SLC9A2: variants seen among roughly 807,000 people sequenced by gnomAD.
The protein encoded by SLC9A2 is sodium/hydrogen exchanger 2.
A neutral mutation model predicts 71.7 loss-of-function variants in SLC9A2; 42 were observed. The observed-to-expected ratio is 0.59, with a 90% CI of 0.46 to 0.76. The LOEUF is 0.76. SLC9A2 is among the 30% of genes least tolerant of loss of function. The pLI, the probability that SLC9A2 is intolerant of heterozygous loss-of-function variation, is 0.00. For synonymous variants in SLC9A2, 396 were observed against 392.5 expected (o/e 1.01, Z -0.10); for missense variants, 829 against 1,017.4 (o/e 0.81, Z 2.52).
intron 7 of SLC9A2, among the ~76,000 whole-genome samples, chr2:102,695,548 A>T (rs1171941787): frequency 6.6e-6 from 1 of 151,772 alleles, no homozygotes; most frequent in Non-Finnish European, 1.5e-5. Flanking sequence ...AACTGAAACC[A>T]TCAGAAGCTG....
chr2:102,688,845 G>A (rs971529505), intron 5 of SLC9A2, among the ~76,000 whole-genome samples: 4 of 152,238 alleles, frequency 2.6e-5, no homozygotes, highest in Non-Finnish European at 4.4e-5. Context: ...TAATTATTAT[G>A]TAGTTAATCC....
At chr2:102,668,312 T>C (rs1436626926) in intron 3 of SLC9A2, among the ~76,000 whole-genome samples, 1 of 152,102 alleles carries the variant, frequency 6.6e-6, no homozygotes, top group East Asian at 1.9e-4. Flanking sequence ...CATTCAAAAC[T>C]TGACTGTGTG....
intron 5 of SLC9A2, 32 bp from the exon 6 acceptor site, chr2:102,694,382 T>C (rs762266926): frequency 4.3e-6 from 4 of 923,748 alleles, no homozygotes; most frequent in African/African-American, 1.7e-5. Context: ...TATAAATATA[T>C]ATGAAATGCT....
At chr2:102,673,579 T>G (rs1397670032) in intron 3 of SLC9A2, among the ~76,000 whole-genome samples, 1 of 152,170 alleles carries the variant, frequency 6.6e-6, no homozygotes, top group Non-Finnish European at 1.5e-5. Flanking sequence ...AGAGTGGGTA[T>G]TTTTGTGTAA....
rs143663218 is a variant in SLC9A2, at chr2:102,702,414, G to A, written c.1757G>A (p.Arg586His). 7.6e-5 allele frequency: 119 copies of A among 1,571,650 alleles called. 2 individuals carry two copies. The highest frequency in any genetic ancestry group is 3.7e-4 in the African/African-American group (27 of 73,406). ...TTTCTAAACTTTCACAGTGATTGTC[G>A]TGAAGAAAAAATAAGGAAGGTCACG... is the stretch of plus-strand genomic sequence containing the variant. ...VPTFASLNDC[R>H]EEKIRKVTSS... The change falls in exon 9 of 12, where the codon CGT becomes CAT. Residue 586 changes from arginine (R) to histidine (H), a missense_variant. By Grantham distance (29) the Arg-to-His change is conservative. Transcript: ENST00000233969.
intron 3 of SLC9A2, among the ~76,000 whole-genome samples, chr2:102,666,282 G>A (rs998415201): frequency 3.7e-5 from 5 of 136,928 alleles, no homozygotes; most frequent in East Asian, 2.3e-4. Context: ...TGCAAGCTCC[G>A]CCTCCCGGGT....
intron 1 of SLC9A2, among the ~76,000 whole-genome samples, chr2:102,632,218 ATATT>A (rs1464787085): frequency 6.4e-5 from 9 of 141,488 alleles, no homozygotes; most frequent in African/African-American, 2.7e-5. Context: ...ATAAATATAT[ATATT>A]TATTATATAT....
chr2:102,675,895 A>G (rs1040712764), intron 3 of SLC9A2, among the ~76,000 whole-genome samples: 10 of 152,136 alleles, frequency 6.6e-5, no homozygotes, highest in African/African-American at 2.4e-4. Context: ...TCCTGTTCTT[A>G]AATGTTAATG....
chr2:102,624,661 C>A (rs559510013), intron 1 of SLC9A2, among the ~76,000 whole-genome samples: 63 of 152,258 alleles, frequency 4.1e-4, no homozygotes, highest in African/African-American at 1.5e-3. Context: ...GTGAGGCTGG[C>A]CTATTTCCAT....
intron 1 of SLC9A2, among the ~76,000 whole-genome samples, chr2:102,622,183 T>G (rs1213659274): frequency 6.6e-6 from 1 of 152,124 alleles, no homozygotes; most frequent in Admixed American, 6.5e-5. Context: ...GTAAATTGCC[T>G]CTAATAATAA....
intron 2 of SLC9A2, 93 bp downstream of exon 2, chr2:102,658,120 C>T: frequency 1.1e-6 from 1 of 932,746 alleles, no homozygotes. Context: ...GGGGCGAGAC[C>T]CTGCACACAG....
In SLC9A2 at chr2:102,708,364, C is replaced by A. The variant is rs760269663; in HGVS notation, c.2314C>A (p.Gln772Lys). Residue 772 changes from glutamine (Q) to lysine (K), a missense_variant, in exon 12 of 12, where the codon CAG becomes AAG. Gln to Lys is a moderately conservative substitution (Grantham distance 53, BLOSUM62 1). Transcript: ENST00000233969. ...LLQQPLLSKD[Q>K]SGSEREDSLT... The stretch of plus-strand genomic sequence containing the variant: ...ACAGCAGCCCCTTCTCTCTAAAGAC[C>A]AGTCTGGCTCAGAGAGGGAAGACAG... 4 of 1,614,224 alleles carry A rather than the reference C, an allele frequency of 2.5e-6. No homozygotes were observed. The East Asian group carries it at 6.7e-5, about 27-fold the overall frequency.
intron 3 of SLC9A2, among the ~76,000 whole-genome samples, chr2:102,670,019 T>A (rs568722544): frequency 2.2e-4 from 27 of 124,398 alleles, no homozygotes; most frequent in African/African-American, 8.6e-4. Flanking sequence ...ATATTTTTTT[T>A]ATTTTTTTAT....
Position 102,701,400 on chromosome 2 carries a change from T to G in SLC9A2, c.1748+169T>G, listed in dbSNP as rs530857834. ...AGCCACTGTGCCCAGCTGCAAATACTGAATCATTTTTCTATGGGGACATAA... is the reference window on the plus strand; with the variant it reads ...AGCCACTGTGCCCAGCTGCAAATACGGAATCATTTTTCTATGGGGACATAA... On this transcript the variant is annotated intron_variant, in intron 8 of 11. Transcript: ENST00000233969. 2.1e-3 allele frequency among the ~76,000 whole-genome samples: 321 copies of G among 152,302 alleles called. 1 individual carries two copies. Among genetic ancestry groups the G allele is most frequent in the African/African-American group, 7.4e-3 (306 of 41,566 alleles).
intron 1 of SLC9A2, among the ~76,000 whole-genome samples, chr2:102,646,888 G>C (rs1032035813): frequency 1.3e-5 from 2 of 150,594 alleles, no homozygotes; most frequent in African/African-American, 4.9e-5. Flanking sequence ...CTTTAATACT[G>C]TATATTAGAC....
chr2:102,683,876 G>A (rs898823574), intron 4 of SLC9A2, among the ~76,000 whole-genome samples: 1 of 151,534 alleles, frequency 6.6e-6, no homozygotes, highest in Non-Finnish European at 1.5e-5. Context: ...TTTCTTCTCT[G>A]AGTATCTTCA....
At chr2:102,655,516 G>A (rs565373758) in intron 1 of SLC9A2, among the ~76,000 whole-genome samples, 3 of 152,090 alleles carry the variant, frequency 2.0e-5, no homozygotes, top group East Asian at 3.9e-4. Flanking sequence ...AAACTTTTTT[G>A]TTTAAAAACA....
intron 7 of SLC9A2, among the ~76,000 whole-genome samples, chr2:102,696,488 T>C (rs1258501711): frequency 1.3e-5 from 2 of 152,200 alleles, no homozygotes; most frequent in East Asian, 3.8e-4. Flanking sequence ...TGCTCATATA[T>C]GCTGGCATAA....
chr2:102,636,419 C>A (rs1428210511), intron 1 of SLC9A2, among the ~76,000 whole-genome samples: 1 of 152,154 alleles, frequency 6.6e-6, no homozygotes, highest in African/African-American at 2.4e-5. Context: ...AATCAGGTAG[C>A]AATTACTGGC....
Sources: gnomAD v4.1 joint callset for allele counts (sites outside exome capture counted in the v4.1 genomes callset) on GRCh38, gnomAD v4.1.1 for gene constraint, MANE v1.5 for transcripts, NCBI Gene and HGNC (gene_info 2026-07-23, HGNC 2026-07-21) for gene names.